Variants in FCHSD2 observed in about 807,000 individuals in gnomAD.
FCHSD2 encodes the protein FCH and double SH3 domains 2, also known as F-BAR and double SH3 domains protein 2.
Under a neutral mutation model 108.1 loss-of-function variants are expected in FCHSD2, and 38 were observed. The ratio of observed to expected loss-of-function variants is 0.35; its 90% confidence interval spans 0.27 to 0.46. The LOEUF is 0.46. Among genes scored for constraint, FCHSD2 ranks in the 20% least tolerant of loss-of-function variants. FCHSD2 has a pLI of 1.00. For missense variants in FCHSD2, 751 were observed against 897.8 expected, an observed-to-expected ratio of 0.84 and a Z score of 2.09; for synonymous variants, 279 against 314.7, an observed-to-expected ratio of 0.89 and a Z score of 1.20.
intron 4 of FCHSD2, among the ~76,000 whole-genome samples, chr11:73,006,722 A>G (rs1310801449): frequency 6.6e-6 from 1 of 152,236 alleles, no homozygotes; most frequent in Non-Finnish European, 1.5e-5. Flanking sequence ...CAATTGGCAT[A>G]TATGTTTAAT....
intron 4 of FCHSD2, among the ~76,000 whole-genome samples, chr11:73,013,205 A>G (rs1004938640): frequency 6.6e-6 from 1 of 152,182 alleles, no homozygotes; most frequent in Admixed American, 6.5e-5. Flanking sequence ...TCTAACCCAC[A>G]TACTTCACAG....
At chr11:73,090,194 T>C (rs149462015) in intron 2 of FCHSD2, among the ~76,000 whole-genome samples, 126 of 150,868 alleles carry the variant, frequency 8.4e-4, no homozygotes, top group African/African-American at 2.9e-3. Flanking sequence ...TTTACAAATA[T>C]ATATTTATGG....
At chr11:73,045,024 C>T (rs533930190) in intron 3 of FCHSD2, among the ~76,000 whole-genome samples, 8 of 150,794 alleles carry the variant, frequency 5.3e-5, no homozygotes, top group South Asian at 4.2e-4. Flanking sequence ...GAGCCGAGAT[C>T]GCTCCACTGC....
At chr11:73,059,397 C>T (rs755038863) in intron 3 of FCHSD2, among the ~76,000 whole-genome samples, 25 of 151,980 alleles carry the variant, frequency 1.6e-4, no homozygotes, top group Non-Finnish European at 2.9e-4. Context: ...AGTTGTAGGA[C>T]GGGCTAAAGA....
At chr11:73,114,494 A>C (rs1860561770) in intron 2 of FCHSD2, among the ~76,000 whole-genome samples, 1 of 152,018 alleles carries the variant, frequency 6.6e-6, no homozygotes, top group African/African-American at 2.4e-5. Flanking sequence ...CCTTTTCTCA[A>C]GCAGGAGTTT....
chr11:72,875,528 C>T (rs1380029570), intron 12 of FCHSD2, among the ~76,000 whole-genome samples: 1 of 152,130 alleles, frequency 6.6e-6, no homozygotes, highest in Admixed American at 6.6e-5. Flanking sequence ...TGGGGTCTTG[C>T]TATGCTGCCT....
chr11:73,042,295 A>G (rs985572595), intron 3 of FCHSD2, among the ~76,000 whole-genome samples: 4 of 152,204 alleles, frequency 2.6e-5, no homozygotes, highest in African/African-American at 9.6e-5. Context: ...CTTTCCCAGT[A>G]GCATTTATTA....
At chr11:72,925,887 T>C (rs957722770) in intron 8 of FCHSD2, among the ~76,000 whole-genome samples, 5 of 152,192 alleles carry the variant, frequency 3.3e-5, no homozygotes, top group African/African-American at 1.2e-4. Flanking sequence ...CCTGGCCTCC[T>C]GGTCTACGGA....
chr11:72,989,216 C>T (rs1045430224), intron 5 of FCHSD2, 119 bp from the exon 6 acceptor site: 19 of 657,814 alleles, frequency 2.9e-5, no homozygotes, highest in African/African-American at 1.6e-4. Flanking sequence ...AAAGTCAGTA[C>T]GTTCAGTGTC....
chr11:72,990,912 G>T (rs898891847), intron 5 of FCHSD2, among the ~76,000 whole-genome samples: 17 of 152,078 alleles, frequency 1.1e-4, no homozygotes, highest in Non-Finnish European at 2.2e-4. Flanking sequence ...AAAAATCAAT[G>T]AATCCAGGAG....
intron 12 of FCHSD2, among the ~76,000 whole-genome samples, chr11:72,876,366 G>A (rs1854970444): frequency 6.6e-6 from 1 of 152,140 alleles, no homozygotes; most frequent in African/African-American, 2.4e-5. Context: ...TCAGCACCCA[G>A]AATGGCAACA....
intron 14 of FCHSD2, among the ~76,000 whole-genome samples, chr11:72,845,458 A>C (rs112118937): frequency 1.3e-4 from 3 of 23,592 alleles, no homozygotes; most frequent in African/African-American, 2.0e-4. Flanking sequence ...AAAAAAAAAA[A>C]AAACAACAAC....
At chr11:73,080,420 ACAG>A (rs542593788) in intron 3 of FCHSD2, among the ~76,000 whole-genome samples, 25 of 152,200 alleles carry the variant, frequency 1.6e-4, no homozygotes, top group African/African-American at 5.5e-4. Flanking sequence ...ATATTTACAC[ACAG>A]ATACACAGCA....
chr11:72,950,459 G>C (rs1856601069), intron 8 of FCHSD2, among the ~76,000 whole-genome samples: 1 of 151,444 alleles, frequency 6.6e-6, no homozygotes, highest in Non-Finnish European at 1.5e-5. Flanking sequence ...GTTTTATATA[G>C]TTTTAGCTCT....
chr11:73,015,070 C>T (rs1379575118), intron 4 of FCHSD2, among the ~76,000 whole-genome samples: 1 of 152,192 alleles, frequency 6.6e-6, no homozygotes, highest in East Asian at 1.9e-4. Context: ...TCTTGAACTC[C>T]TGATCTCAGG....
chr11:72,886,627 T>C (rs962088707), intron 12 of FCHSD2, among the ~76,000 whole-genome samples: 1 of 152,192 alleles, frequency 6.6e-6, no homozygotes, highest in Non-Finnish European at 1.5e-5. Flanking sequence ...CTTCACCACA[T>C]TGCTGCTGAG....
intron 8 of FCHSD2, chr11:72,940,544 C>T: frequency 2.9e-6 from 3 of 1,033,894 alleles, no homozygotes; most frequent in Non-Finnish European, 4.5e-6. Flanking sequence ...AAGAAGTAGT[C>T]TCATGTCATG....
In FCHSD2 at chr11:73,070,557, G is replaced by A. The variant is rs367867112; in HGVS notation, c.165+13138C>T. 7.9e-5 allele frequency among the ~76,000 whole-genome samples: 12 copies of A among 152,136 alleles called. No individual in the cohort carries two copies. In the East Asian group the frequency reaches 2.3e-3, roughly 29 times the overall value. ...TCCTGCCTCAGCCTCCTGAGTAGCT[G>A]GTATTACAGGCGCCTGCCACCATGT... On this transcript the variant is annotated intron_variant, in intron 3 of 19. Coordinates refer to ENST00000409418, the MANE Select transcript of FCHSD2 (RefSeq NM_014824.3).
intron 10 of FCHSD2, among the ~76,000 whole-genome samples, chr11:72,900,495 A>AT (rs1268141394): frequency 6.6e-6 from 1 of 152,124 alleles, no homozygotes; most frequent in African/African-American, 2.4e-5. Context: ...TGTTATTCTG[A>AT]TTTTTTCTGT....
Sources: allele counts gnomAD v4.1 joint callset (sites outside exome capture counted in the v4.1 genomes callset), GRCh38; gene constraint gnomAD v4.1.1; transcripts MANE v1.5; gene names NCBI Gene and HGNC (gene_info 2026-07-23, HGNC 2026-07-21).